The following XXYLT1 variants were observed in gnomAD, a reference collection of about 807,000 sequenced individuals.
The protein encoded by XXYLT1 is xyloside xylosyltransferase 1.
XXYLT1 carries 20 observed loss-of-function variants against 28.9 expected under a neutral mutation model. That is an observed-to-expected ratio of 0.69 (90% CI 0.49 to 1.00). XXYLT1 has a LOEUF of 1.00. XXYLT1 is among the 50% of genes least tolerant of loss of function. XXYLT1 has a pLI of 0.00. For missense variants in XXYLT1, 542 were observed against 560.1 expected (o/e 0.97, Z 0.33); for synonymous variants, 257 against 253.8 (o/e 1.01, Z -0.12).
intron 1 of XXYLT1, among the ~76,000 whole-genome samples, chr3:195,239,382 G>A (rs571601175): frequency 4.6e-5 from 7 of 152,260 alleles, no homozygotes; most frequent in Non-Finnish European, 1.0e-4. Context: ...AGGGATGGGG[G>A]AGAGAAAAGG....
chr3:195,207,609 G>A (rs1723129984), intron 2 of XXYLT1: 2 of 364,460 alleles, frequency 5.5e-6, no homozygotes, highest in Non-Finnish European at 1.1e-5. Context: ...TCTCTGTGCT[G>A]AGATCCCCTT....
At chr3:195,245,795 A>G (rs900007539) in intron 1 of XXYLT1, among the ~76,000 whole-genome samples, 2 of 152,120 alleles carry the variant, frequency 1.3e-5, no homozygotes, top group Non-Finnish European at 2.9e-5. Context: ...GGTTGTAGAA[A>G]GAAGTGTGTG....
At chr3:195,228,154 C>T (rs1304667422) in intron 1 of XXYLT1, among the ~76,000 whole-genome samples, 1 of 152,234 alleles carries the variant, frequency 6.6e-6, no homozygotes, top group Admixed American at 6.5e-5. Context: ...AAGCCTGCCA[C>T]ACTGCATCCT....
chr3:195,187,441 T>C (rs1268936747), intron 2 of XXYLT1, among the ~76,000 whole-genome samples: 2 of 152,132 alleles, frequency 1.3e-5, no homozygotes, highest in African/African-American at 4.8e-5. Context: ...ACTGTTATTA[T>C]TAATATTCAT....
chr3:195,241,510 G>GAAAAC, intron 1 of XXYLT1, among the ~76,000 whole-genome samples: 1 of 152,206 alleles, frequency 6.6e-6, no homozygotes, highest in African/African-American at 2.4e-5. Context: ...GACTTTCTGG[G>GAAAAC]AAAACAAAAC....
At chr3:195,212,998 T>G (rs1184234698) in intron 2 of XXYLT1, among the ~76,000 whole-genome samples, 3 of 152,140 alleles carry the variant, frequency 2.0e-5, no homozygotes, top group African/African-American at 7.2e-5. Flanking sequence ...CCCACCACAA[T>G]TCATGATCCA....
intron 2 of XXYLT1, among the ~76,000 whole-genome samples, chr3:195,194,267 A>G (rs1286803041): frequency 6.6e-6 from 1 of 151,370 alleles, no homozygotes; most frequent in African/African-American, 2.4e-5. Context: ...ACTCAATTAT[A>G]TATCTATTCA....
intron 1 of XXYLT1, chr3:195,259,592 C>A (rs907833675): frequency 1.0e-6 from 1 of 985,362 alleles, no homozygotes; most frequent in African/African-American, 1.7e-5. Flanking sequence ...GCCTGGGAAG[C>A]CCTCATCTCA....
chr3:195,185,070 G>C (rs986260359), intron 2 of XXYLT1, among the ~76,000 whole-genome samples: 1 of 111,210 alleles, frequency 9.0e-6, no homozygotes, highest in African/African-American at 4.2e-5. Flanking sequence ...AAAGAAAAAA[G>C]GAAGGAAAGA....
At chr3:195,109,653 G>T (rs1371445115) in intron 3 of XXYLT1, among the ~76,000 whole-genome samples, 7 of 134,292 alleles carry the variant, frequency 5.2e-5, no homozygotes, top group African/African-American at 1.9e-4. Flanking sequence ...TGTGGTGTAT[G>T]TGTGCGTGTG....
At chr3:195,202,664 T>A (rs1303729586) in intron 2 of XXYLT1, among the ~76,000 whole-genome samples, 2 of 152,192 alleles carry the variant, frequency 1.3e-5, no homozygotes, top group African/African-American at 4.8e-5. Context: ...TAAGAATACT[T>A]GTTGATTTGG....
chr3:195,106,173 C>A (rs919831662), intron 3 of XXYLT1, among the ~76,000 whole-genome samples: 4 of 152,128 alleles, frequency 2.6e-5, no homozygotes, highest in Admixed American at 2.0e-4. Context: ...AACAATAAAA[C>A]CTCTTTGTGG....
chr3:195,155,518 T>C (rs1327044667), intron 3 of XXYLT1, among the ~76,000 whole-genome samples: 1 of 149,806 alleles, frequency 6.7e-6, no homozygotes, highest in Non-Finnish European at 1.5e-5. Context: ...CAAAACCCGC[T>C]TCAGCTGTTC....
At chr3:195,098,969 T>C (rs1010133324) in intron 3 of XXYLT1, among the ~76,000 whole-genome samples, 1 of 152,250 alleles carries the variant, frequency 6.6e-6, no homozygotes, top group Non-Finnish European at 1.5e-5. Flanking sequence ...GCAGGGCTGC[T>C]GCTTCTCCCT....
At chr3:195,103,938 G>A (rs1006284785) in intron 3 of XXYLT1, among the ~76,000 whole-genome samples, 11 of 152,236 alleles carry the variant, frequency 7.2e-5, no homozygotes, top group Admixed American at 2.6e-4. Flanking sequence ...CCTCTCCAAC[G>A]AGGGGAGAAA....
At chr3:195,219,613 G>T (rs1723731659) in intron 2 of XXYLT1, among the ~76,000 whole-genome samples, 1 of 152,196 alleles carries the variant, frequency 6.6e-6, no homozygotes, top group African/African-American at 2.4e-5. Flanking sequence ...TCTCATGCAG[G>T]CCTGTGAACC....
intron 1 of XXYLT1, chr3:195,260,102 G>A (rs1725629094): frequency 2.1e-5 from 2 of 97,004 alleles, no homozygotes; most frequent in Admixed American, 1.2e-4. Context: ...GGCGGGCGGG[G>A]CTAGAGGAGG....
chr3:195,112,984 T>A (rs895189170), intron 3 of XXYLT1, among the ~76,000 whole-genome samples: 2 of 152,274 alleles, frequency 1.3e-5, no homozygotes, highest in African/African-American at 4.8e-5. Context: ...GGGTTTCAAC[T>A]GCAGCCATGC....
chr3:195,258,786 A>G (rs1307850292), intron 1 of XXYLT1, among the ~76,000 whole-genome samples: 1 of 152,202 alleles, frequency 6.6e-6, no homozygotes, highest in Non-Finnish European at 1.5e-5. Flanking sequence ...GGCAAACAAT[A>G]TATTGCCAAG....
Sources: gnomAD v4.1 joint callset for allele counts (sites outside exome capture counted in the v4.1 genomes callset) on GRCh38, gnomAD v4.1.1 for gene constraint, MANE v1.5 for transcripts, NCBI Gene and HGNC (gene_info 2026-07-23, HGNC 2026-07-21) for gene names.